Variants in SLC26A5 observed in about 807,000 individuals in gnomAD.
SLC26A5 encodes the protein solute carrier family 26 member 5.
In SLC26A5, 51 loss-of-function variants were observed where a neutral mutation model predicts 81.0. The observed-to-expected ratio is 0.63, with a 90% CI of 0.50 to 0.80. SLC26A5 has a LOEUF of 0.80. SLC26A5 is among the 30% of genes least tolerant of loss of function. The pLI is 0.00. For synonymous variants in SLC26A5, 325 were observed against 332.8 expected (o/e 0.98, Z 0.25); for missense variants, 771 against 905.8 (o/e 0.85, Z 1.91).
chr7:103,362,178 T>C, intron 19 of SLC26A5: 1 of 1,566,210 alleles, frequency 6.4e-7, no homozygotes, highest in Non-Finnish European at 8.6e-7. Flanking sequence ...ATAAATGGAC[T>C]GAGTTCCTTG....
intron 4 of SLC26A5, among the ~76,000 whole-genome samples, chr7:103,420,289 C>CTTTTTTTTTTTT (rs35755959): frequency 2.9e-4 from 26 of 90,578 alleles, no homozygotes; most frequent in Non-Finnish European, 5.2e-4. Flanking sequence ...ATCCCTGGAG[C>CTTTTTTTTTTTT]TTTTTTTTTT....
At chr7:103,417,348 A>G (rs1824992944) in intron 4 of SLC26A5, among the ~76,000 whole-genome samples, 1 of 150,276 alleles carries the variant, frequency 6.7e-6, no homozygotes, top group South Asian at 2.1e-4. Context: ...CCAGCTTGCC[A>G]ATAGAGCGAG....
At chr7:103,394,940 G>C (rs909927592) in intron 9 of SLC26A5, among the ~76,000 whole-genome samples, 3 of 152,200 alleles carry the variant, frequency 2.0e-5, no homozygotes, top group Non-Finnish European at 2.9e-5. Context: ...TGGCAATGCT[G>C]CTGGAGATAC....
chr7:103,412,814 G>A (rs1376384020), intron 5 of SLC26A5, among the ~76,000 whole-genome samples, 188 bp downstream of exon 5: 2 of 152,144 alleles, frequency 1.3e-5, no homozygotes, highest in African/African-American at 4.8e-5. Context: ...GCCTCCCAGA[G>A]TGCTGGGATT....
intron 17 of SLC26A5, 142 bp downstream of exon 17, chr7:103,378,303 TA>T (rs1176843728): frequency 7.6e-6 from 6 of 790,734 alleles, no homozygotes; most frequent in Non-Finnish European, 1.3e-5. Flanking sequence ...CAGGTGCTTG[TA>T]AAATATAGAG....
Position 103,361,128 on chromosome 7 carries a change from GAAAA to G in SLC26A5, c.2042-8206_2042-8203del, listed in dbSNP as rs367989398. Reference sequence around the variant, plus strand: ...GACTCTGTCTCAAAAAAAAGAAAAAGAAAAAAAAACAAGCTTCTACTGCCTCAGT... The same window carrying G: ...GACTCTGTCTCAAAAAAAAGAAAAAGAAAAACAAGCTTCTACTGCCTCAGT... On this transcript the variant is annotated intron_variant, in intron 19 of 19. Coordinates refer to the SLC26A5 transcript ENST00000339444. Among the ~76,000 whole-genome samples, 387 of 144,644 alleles carry G rather than the reference GAAAA, an allele frequency of 2.7e-3. 1 individual carries two copies. Among genetic ancestry groups the G allele is most frequent in the Middle Eastern group, 0.014 (4 of 286 alleles). The allele number at this position is 144,644 out of a possible 152,430, so 94.9% of individuals were successfully genotyped here. A position where few individuals can be genotyped will look rare whatever the true frequency, so the allele number is the denominator to read the frequency against.
chr7:103,425,487 T>C (rs1393671236), intron 2 of SLC26A5, among the ~76,000 whole-genome samples: 1 of 152,024 alleles, frequency 6.6e-6, no homozygotes, highest in Non-Finnish European at 1.5e-5. Context: ...GAAATACATA[T>C]GAAAAATACA....
rs1824401491 is a variant in SLC26A5, at chr7:103,410,480, T to A, written c.640A>T (p.Thr214Ser). The A allele has an allele frequency of 6.2e-7, 1 of 1,614,044 alleles. No individual in the cohort carries two copies. Among genetic ancestry groups the A allele is most frequent in the Non-Finnish European group, 8.5e-7 (1 of 1,180,014 alleles). Residue 214 changes from threonine (T) to serine (S), a missense_variant, in exon 7 of 20, where the codon ACC (threonine) becomes TCC (serine). Coordinates refer to ENST00000306312, the MANE Select transcript of SLC26A5 (RefSeq NM_198999.3). The part of the protein sequence containing the change: ...YLTEPLVRGF[T>S]TAAAVHVFTS... Reference sequence around the variant, plus strand: ...AAGACATGCACAGCTGCTGCGGTGGTAAACCCACGGACCAGAGGCTCTGTG... The same window carrying A: ...AAGACATGCACAGCTGCTGCGGTGGAAAACCCACGGACCAGAGGCTCTGTG...
intron 2 of SLC26A5, among the ~76,000 whole-genome samples, chr7:103,429,451 G>C (rs1034006792): frequency 1.3e-5 from 2 of 152,076 alleles, no homozygotes; most frequent in African/African-American, 4.8e-5. Flanking sequence ...TGAGCAACAG[G>C]ATGTGAACTT....
intron 2 of SLC26A5, among the ~76,000 whole-genome samples, chr7:103,429,052 C>G (rs1825889876): frequency 6.6e-6 from 1 of 152,188 alleles, no homozygotes; most frequent in Admixed American, 6.5e-5. Flanking sequence ...GTTTCCTTAT[C>G]TTTAAATGTT....
At chr7:103,415,537 GTGC>G (rs1824835589) in intron 4 of SLC26A5, among the ~76,000 whole-genome samples, 1 of 152,188 alleles carries the variant, frequency 6.6e-6, no homozygotes, top group Non-Finnish European at 1.5e-5. Flanking sequence ...AAGGCCAGGG[GTGC>G]TGCTAAGTGC....
chr7:103,402,393 CTT>C (rs541398228), intron 8 of SLC26A5, among the ~76,000 whole-genome samples: 47 of 124,450 alleles, frequency 3.8e-4, no homozygotes, highest in African/African-American at 1.2e-3. Flanking sequence ...ACGTATTGCT[CTT>C]TTTTTTTTTT....
intron 2 of SLC26A5, among the ~76,000 whole-genome samples, chr7:103,439,586 T>C (rs1475031437): frequency 6.6e-6 from 1 of 152,068 alleles, no homozygotes; most frequent in Non-Finnish European, 1.5e-5. Flanking sequence ...CAGGCTGGAG[T>C]GCAGTGGTGC....
downstream of SLC26A5, among the ~76,000 whole-genome samples, chr7:103,372,889 A>AAC (rs1047679996): frequency 2.0e-5 from 3 of 151,834 alleles, no homozygotes; most frequent in African/African-American, 7.3e-5. Flanking sequence ...TAAAAAAAAA[A>AAC]AAAAACACTA....
intron 2 of SLC26A5, among the ~76,000 whole-genome samples, chr7:103,426,025 CTAAA>C (rs1307538418): frequency 6.6e-6 from 1 of 152,176 alleles, no homozygotes; most frequent in African/African-American, 2.4e-5. Flanking sequence ...AAGAAAAAAA[CTAAA>C]TAGGGTGTAA....
At chr7:103,358,207 T>TA (rs1820154583) in intron 19 of SLC26A5, among the ~76,000 whole-genome samples, 2 of 152,208 alleles carry the variant, frequency 1.3e-5, no homozygotes, top group Admixed American at 6.5e-5. Context: ...CTCCCAGTGT[T>TA]ACTCTGAAGC....
intron 2 of SLC26A5, among the ~76,000 whole-genome samples, chr7:103,427,201 G>C (rs1488213264): frequency 2.0e-5 from 3 of 151,790 alleles, no homozygotes; most frequent in African/African-American, 7.3e-5. Context: ...AGCCTCCCGA[G>C]TAGCTGGGAT....
chr7:103,378,074 C>T (rs905696680), intron 17 of SLC26A5, among the ~76,000 whole-genome samples: 1 of 152,038 alleles, frequency 6.6e-6, no homozygotes, highest in Non-Finnish European at 1.5e-5. Context: ...TATCCATTTT[C>T]TGCTAAAGTC....
At chr7:103,406,939 T>A (rs992895050) in intron 8 of SLC26A5, among the ~76,000 whole-genome samples, 2 of 152,004 alleles carry the variant, frequency 1.3e-5, no homozygotes, top group East Asian at 1.9e-4. Flanking sequence ...AGATGTGGAG[T>A]CACCACACCT....
Sources: allele counts gnomAD v4.1 joint callset (sites outside exome capture counted in the v4.1 genomes callset), GRCh38; gene constraint gnomAD v4.1.1; transcripts MANE v1.5; gene names NCBI Gene and HGNC (gene_info 2026-07-23, HGNC 2026-07-21).